The following NRG2 variants were observed in gnomAD, a reference collection of about 807,000 sequenced individuals.
The protein encoded by NRG2 is neuregulin 2.
In NRG2, 27 loss-of-function variants were observed where a neutral mutation model predicts 73.9. The observed-to-expected ratio is 0.37, with a 90% CI of 0.27 to 0.50. The LOEUF is 0.50. Among genes scored for constraint, NRG2 ranks in the 20% least tolerant of loss-of-function variants. The probability of loss-of-function intolerance (pLI) is 0.96; values close to 1 mark genes in which losing one functional copy is unlikely to be tolerated. For missense variants in NRG2, 1,126 were observed against 1,210.1 expected (o/e 0.93, Z 1.03); for synonymous variants, 532 against 541.0 (o/e 0.98, Z 0.23).
At chr5:140,035,303 TC>T (rs1761428729) in intron 1 of NRG2, among the ~76,000 whole-genome samples, 1 of 152,208 alleles carries the variant, frequency 6.6e-6, no homozygotes, top group African/African-American at 2.4e-5. Flanking sequence ...TCTTTAATCT[TC>T]TAACCAGATA....
At chr5:139,891,442 G>A (rs1206992334) in intron 1 of NRG2, among the ~76,000 whole-genome samples, 1 of 152,144 alleles carries the variant, frequency 6.6e-6, no homozygotes, top group Non-Finnish European at 1.5e-5. Flanking sequence ...AGCCATTTCT[G>A]GATAGTCCAC....
At chr5:139,909,659 C>T (rs905974096) in intron 1 of NRG2, among the ~76,000 whole-genome samples, 9 of 152,274 alleles carry the variant, frequency 5.9e-5, no homozygotes, top group African/African-American at 2.2e-4. Flanking sequence ...GCACACTCCT[C>T]ACTCAGTGAG....
chr5:140,000,169 T>C (rs1758327902), intron 1 of NRG2, among the ~76,000 whole-genome samples: 1 of 152,226 alleles, frequency 6.6e-6, no homozygotes. Context: ...CAGCAGAATC[T>C]AGATCTTGAG....
At chr5:139,935,976 G>T (rs201593009) in intron 1 of NRG2, among the ~76,000 whole-genome samples, 3 of 134,232 alleles carry the variant, frequency 2.2e-5, no homozygotes, top group African/African-American at 5.6e-5. Context: ...AAAAAAAAAA[G>T]AAAGAAAAAG....
At position 139,954,027 on chromosome 5, in the gene NRG2, C is replaced by A. The variant is rs910935226; in HGVS notation, c.701-66516G>T. On this transcript the variant is annotated intron_variant, in intron 1 of 9. Coordinates refer to ENST00000361474, the MANE Select transcript of NRG2 (RefSeq NM_004883.3). This position sits in a 1 kb window ranked among gnomAD's most constrained non-coding sequence, Gnocchi z 5.0. ...GTGGGCCAGAGTTGAGGGCAGGTAGCCTGCTCACTGGGAGGCAAGGGGCAG... is the reference window on the plus strand; with the variant it reads ...GTGGGCCAGAGTTGAGGGCAGGTAGACTGCTCACTGGGAGGCAAGGGGCAG... Among the ~76,000 whole-genome samples, 1 of 152,030 alleles carries A rather than the reference C, an allele frequency of 6.6e-6. No homozygotes were observed. The highest frequency in any genetic ancestry group is 2.1e-4 in the South Asian group (1 of 4,806).
chr5:140,032,331 G>A (rs1761219119), intron 1 of NRG2, among the ~76,000 whole-genome samples: 1 of 151,770 alleles, frequency 6.6e-6, no homozygotes, highest in African/African-American at 2.4e-5. Flanking sequence ...ACATACATGA[G>A]GAAAAGTACC....
At position 139,852,670 on chromosome 5, in the gene NRG2, C is replaced by CA. The variant is rs1175712004; in HGVS notation, c.1417-112dup. 1 of 1,505,978 alleles carries CA rather than the reference C, an allele frequency of 6.6e-7. No individual in the cohort carries two copies. The highest frequency in any genetic ancestry group is 1.3e-5 in the South Asian group (1 of 77,882). 93.3% of individuals were successfully genotyped at this position (1,505,978 alleles called of 1,614,324 possible). Reference sequence around the variant, plus strand: ...GACTGAGCTCCTGGTTGGGGAGACCCACTGTGTGAGAGTGACTTGATGTTG... The same window carrying CA: ...GACTGAGCTCCTGGTTGGGGAGACCCAACTGTGTGAGAGTGACTTGATGTTG... On this transcript the variant is annotated intron_variant, in intron 7 of 9. Coordinates refer to ENST00000361474, the MANE Select transcript of NRG2 (RefSeq NM_004883.3). This position sits in a 1 kb window ranked among gnomAD's most constrained non-coding sequence, Gnocchi z 4.4.
In NRG2 at chr5:139,869,116, T is replaced by C. The variant is rs371843178; in HGVS notation, c.1112+2605A>G. Among the ~76,000 whole-genome samples, 2 of 151,992 alleles carry C rather than the reference T, an allele frequency of 1.3e-5. No homozygotes were observed. Among genetic ancestry groups the C allele is most frequent in the South Asian group, 2.1e-4 (1 of 4,826 alleles). ...CTCCCATTTTCAAATCCCCCTACGT[T>C]GTCTTTTTTTAAAACAAAATTCAGT... On this transcript the variant is annotated intron_variant, in intron 4 of 9. Transcript: ENST00000361474. This position sits in a 1 kb window ranked among gnomAD's most constrained non-coding sequence, Gnocchi z 4.5.
chr5:139,880,781 C>T (rs1166260193), intron 3 of NRG2, 75 bp downstream of exon 3: 2 of 1,117,288 alleles, frequency 1.8e-6, no homozygotes, highest in Non-Finnish European at 2.7e-6. Flanking sequence ...ACATGCAGGC[C>T]CCAAGGGCTG....
chr5:139,917,715 T>C (rs749145251), intron 1 of NRG2, among the ~76,000 whole-genome samples: 8 of 152,360 alleles, frequency 5.3e-5, no homozygotes, highest in Non-Finnish European at 1.2e-4. Flanking sequence ...ATAAATTGAA[T>C]ATGTTCATTT....
chr5:139,864,636 G>A (rs1455401185), intron 5 of NRG2, among the ~76,000 whole-genome samples: 1 of 151,802 alleles, frequency 6.6e-6, no homozygotes, highest in Non-Finnish European at 1.5e-5. Flanking sequence ...CCTGGGTCCT[G>A]CTCTCCCTTA....
At chr5:139,881,006 C>A (rs760691196) in intron 2 of NRG2, 32 bp from the exon 3 acceptor site, 8 of 1,591,516 alleles carry the variant, frequency 5.0e-6, no homozygotes, top group African/African-American at 1.3e-5. Flanking sequence ...GGGGGAGAGG[C>A]GTGAGCCAGG....
chr5:139,871,350 AGGAAAAGAGGGGG>A (rs1233857614), intron 4 of NRG2, among the ~76,000 whole-genome samples: 4 of 152,036 alleles, frequency 2.6e-5, no homozygotes, highest in Non-Finnish European at 5.9e-5. Flanking sequence ...AGAGATGGGG[AGGAAAAGAGGGGG>A]GGAAAGAGAG....
Position 139,852,727 on chromosome 5 carries a change from A to C in NRG2, c.1417-168T>G, listed in dbSNP as rs1581768410. 6.6e-6 allele frequency among the ~76,000 whole-genome samples: 1 copy of C among 152,090 alleles called. No individual in the cohort carries two copies. Among genetic ancestry groups the C allele is most frequent in the Non-Finnish European group, 1.5e-5 (1 of 68,014 alleles). ...CGATGGCTCCAGCAAATCAACCCCC[A>C]CCCCTTCCTCATGGAAGTGAGCAAA... is the stretch of plus-strand genomic sequence containing the variant. On this transcript the variant is annotated intron_variant, in intron 7 of 9. Transcript: ENST00000361474. The surrounding 1 kb of genome is among the most constrained non-coding windows in gnomAD (Gnocchi z 4.4).
At chr5:139,848,814 A>G (rs1761215242) in intron 9 of NRG2, 117 bp from the exon 10 acceptor site, 5 of 918,112 alleles carry the variant, frequency 5.4e-6, no homozygotes, top group Non-Finnish European at 7.7e-6. Context: ...ACCTTGCCCG[A>G]GACCCCGCCT....
chr5:139,848,779 G>GGGGGGGGGGC, intron 9 of NRG2, 82 bp from the exon 10 acceptor site: 1 of 198,600 alleles, frequency 5.0e-6, no homozygotes, highest in Non-Finnish European at 1.0e-5. Context: ...GGTAGGGTGG[G>GGGGGGGGGGC]AGGGGCGGAC....
rs1765109877 is a variant in NRG2, at chr5:139,904,577, C to G, written c.701-17066G>C. Among the ~76,000 whole-genome samples, 1 of 152,102 alleles carries G rather than the reference C, an allele frequency of 6.6e-6. No homozygotes were observed. The highest frequency in any genetic ancestry group is 2.1e-4 in the South Asian group (1 of 4,830). On this transcript the variant is annotated intron_variant, in intron 1 of 9. Transcript: ENST00000361474. The surrounding 1 kb of genome is among the most constrained non-coding windows in gnomAD (Gnocchi z 6.0). Reference sequence around the variant, plus strand: ...CCCGCGCCCTCCACCCTCGCCCCCCCTCCACCGGCTCGGGCCGCGGGGGCG... The same window carrying G: ...CCCGCGCCCTCCACCCTCGCCCCCCGTCCACCGGCTCGGGCCGCGGGGGCG...
chr5:139,871,884 T>G (rs1800953), intron 3 of NRG2, 43 bp from the exon 4 acceptor site: 315,898 of 1,598,732 alleles, frequency 0.2, 33,898 homozygotes, highest in African/African-American at 0.37. Context: ...ACTGAGACTA[T>G]CCCTAGGCCC....
Position 139,848,696 on chromosome 5 carries a change from A to G in NRG2, c.1774T>C (p.Tyr592His). The part of the protein sequence containing the change: ...SLRDSPHSER[Y>H]VSALTTPARL... The stretch of plus-strand genomic sequence containing the variant: ...GCGGGCGTGGTCAGGGCCGACACGT[A>G]CCTGCGGGGAGAGGCAGAGGCATGG... Residue 592 changes from tyrosine to histidine, a missense_variant and splice_region_variant, in exon 10 of 10, where the codon TAC becomes CAC. By Grantham distance (83) the Tyr-to-His change is moderately conservative. Around this residue, in one of 3 missense-constraint regions of NRG2, gnomAD observed 539 missense variants for 703.2 expected, o/e 0.77. Coordinates refer to ENST00000361474, the MANE Select transcript of NRG2 (RefSeq NM_004883.3). 7.4e-7 allele frequency: 1 copy of G among 1,355,138 alleles called. No homozygotes were observed. Among genetic ancestry groups the G allele is most frequent in the Non-Finnish European group, 9.6e-7 (1 of 1,039,164 alleles). The allele number at this position is 1,355,138 out of a possible 1,614,324, so 83.9% of individuals were successfully genotyped here.
Sources: allele counts gnomAD v4.1 joint callset (sites outside exome capture counted in the v4.1 genomes callset), GRCh38; gene constraint gnomAD v4.1.1; regional missense constraint gnomAD v4.1.1; non-coding constraint Gnocchi (gnomAD v3.1); transcripts MANE v1.5; gene names NCBI Gene and HGNC (gene_info 2026-07-23, HGNC 2026-07-21).